Variants in RTN1 observed in about 807,000 individuals in gnomAD.
RTN1 encodes reticulon-1.
Under a neutral mutation model 65.5 loss-of-function variants are expected in RTN1, and 25 were observed. The ratio of observed to expected loss-of-function variants is 0.38; its 90% CI spans 0.28 to 0.53. RTN1 has a LOEUF of 0.53. Among genes scored for constraint, RTN1 ranks in the 20% least tolerant of loss-of-function variants. The pLI is 0.79. For missense variants in RTN1, 983 were observed against 1,025.4 expected (o/e 0.96, Z 0.57); for synonymous variants, 471 against 447.6 (o/e 1.05, Z -0.66).
intron 1 of RTN1, among the ~76,000 whole-genome samples, chr14:59,752,744 A>G (rs1026981469): frequency 6.6e-6 from 1 of 152,122 alleles, no homozygotes; most frequent in Non-Finnish European, 1.5e-5. Context: ...AAATAAATGG[A>G]CTCTTCAATC....
At chr14:59,674,712 A>G (rs1883585402) in intron 3 of RTN1, among the ~76,000 whole-genome samples, 1 of 152,238 alleles carries the variant, frequency 6.6e-6, no homozygotes, top group African/African-American at 2.4e-5. Context: ...TCAGAGCTTT[A>G]TACTGTAGAA....
At chr14:59,850,872 GT>G (rs1887492966) in intron 1 of RTN1, among the ~76,000 whole-genome samples, 1 of 152,226 alleles carries the variant, frequency 6.6e-6, no homozygotes, top group East Asian at 1.9e-4. Flanking sequence ...TCATGGGTAG[GT>G]TTTTTTCTCT....
intron 1 of RTN1, among the ~76,000 whole-genome samples, chr14:59,749,777 TTATATATATCTATATGTATATTTA>T (rs1566712724): frequency 1.1e-5 from 1 of 89,694 alleles, no homozygotes; most frequent in East Asian, 3.2e-4. Context: ...ATATGTATAT[TTATATATATCTATATGTATATTTA>T]TATATATCTA....
chr14:59,868,204 C>T lies in RTN1; in HGVS notation c.241+2186G>A, dbSNP rs533886322. On this transcript the variant is annotated intron_variant, in intron 1 of 8. Transcript: ENST00000267484. This position sits in a 1 kb window ranked among gnomAD's most constrained non-coding sequence, Gnocchi z 4.0. ...TTTGAGTCTCTTATAGCAGCACATC[C>T]GGTCTACTTAATAAGAAACACAGAG... 1.3e-5 allele frequency among the ~76,000 whole-genome samples: 2 copies of T among 152,218 alleles called. No homozygotes were observed. Among genetic ancestry groups the T allele is most frequent in the South Asian group, 2.1e-4 (1 of 4,824 alleles).
chr14:59,749,639 CTA>C (rs1275026715), intron 1 of RTN1, among the ~76,000 whole-genome samples: 668 of 32,524 alleles, frequency 0.021, 29 homozygotes, highest in African/African-American at 0.13. Context: ...ATATAGATAT[CTA>C]TATATATTTA....
chr14:59,610,052 G>T (rs914686353), intron 3 of RTN1: 11 of 746,888 alleles, frequency 1.5e-5, no homozygotes, highest in Non-Finnish European at 2.7e-5. Context: ...CCTGAAAGGA[G>T]TTTTCAGACA....
chr14:59,776,750 C>T (rs191511977), intron 1 of RTN1, among the ~76,000 whole-genome samples: 1 of 152,194 alleles, frequency 6.6e-6, no homozygotes, highest in Admixed American at 6.5e-5. Context: ...GTAGGAGGCT[C>T]TGCTGGGGAC....
chr14:59,616,682 A>T (rs1374644816), intron 3 of RTN1, among the ~76,000 whole-genome samples: 1 of 152,154 alleles, frequency 6.6e-6, no homozygotes, highest in Non-Finnish European at 1.5e-5. Flanking sequence ...TAGCTTTAAT[A>T]GTGGCTATAG....
At chr14:59,869,154 C>T (rs1302804337) in intron 1 of RTN1, among the ~76,000 whole-genome samples, 1 of 151,990 alleles carries the variant, frequency 6.6e-6, no homozygotes, top group Non-Finnish European at 1.5e-5. Context: ...ACCTCTTTTC[C>T]CCAGCTCAGA....
intron 1 of RTN1, among the ~76,000 whole-genome samples, chr14:59,797,219 C>T (rs1022534729): frequency 2.0e-5 from 3 of 152,162 alleles, no homozygotes; most frequent in African/African-American, 7.2e-5. Flanking sequence ...TCTTCGTCAC[C>T]ACCACTGTAC....
At chr14:59,815,419 T>A (rs562698624) in intron 1 of RTN1, among the ~76,000 whole-genome samples, 31 of 152,298 alleles carry the variant, frequency 2.0e-4, no homozygotes, top group African/African-American at 7.5e-4. Flanking sequence ...CCTCTCATGC[T>A]TAAATCTCTC....
At chr14:59,718,189 G>T (rs189596194) in intron 3 of RTN1, among the ~76,000 whole-genome samples, 16 of 152,236 alleles carry the variant, frequency 1.1e-4, no homozygotes, top group African/African-American at 3.9e-4. Flanking sequence ...TTCAACCTAG[G>T]TCACTTAAAA....
chr14:59,600,031 T>C (rs889790832), intron 8 of RTN1, among the ~76,000 whole-genome samples: 4 of 152,236 alleles, frequency 2.6e-5, no homozygotes, highest in African/African-American at 9.6e-5. Context: ...CTACAGTGTT[T>C]ATTTTGCCTT....
At chr14:59,648,939 C>T (rs758441091) in intron 3 of RTN1, among the ~76,000 whole-genome samples, 7 of 152,162 alleles carry the variant, frequency 4.6e-5, no homozygotes, top group Non-Finnish European at 7.3e-5. Context: ...CTGGCCTTAG[C>T]ACTCAGGCAA....
At chr14:59,842,536 T>G (rs1235095926) in intron 1 of RTN1, among the ~76,000 whole-genome samples, 1 of 152,098 alleles carries the variant, frequency 6.6e-6, no homozygotes, top group Non-Finnish European at 1.5e-5. Flanking sequence ...ATGCACATCT[T>G]AGGGCACTGG....
At chr14:59,718,564 T>C (rs1311131764) in intron 3 of RTN1, among the ~76,000 whole-genome samples, 1 of 152,188 alleles carries the variant, frequency 6.6e-6, no homozygotes, top group Non-Finnish European at 1.5e-5. Flanking sequence ...AAGTGCCATA[T>C]TGGACCATTC....
intron 3 of RTN1, among the ~76,000 whole-genome samples, chr14:59,647,824 T>C (rs2140196854): frequency 6.6e-6 from 1 of 152,184 alleles, no homozygotes; most frequent in African/African-American, 2.4e-5. Context: ...AATTCCAACT[T>C]AATATCAAAA....
At chr14:59,729,611 G>A (rs1884857842) in intron 2 of RTN1, among the ~76,000 whole-genome samples, 1 of 152,258 alleles carries the variant, frequency 6.6e-6, no homozygotes, top group South Asian at 2.1e-4. Flanking sequence ...GATAAGGAGT[G>A]GTGTAAATTA....
rs768308668 is a variant in RTN1 at position 59,726,956 on chromosome 14, G to A, written c.1728C>T (p.Gly576=). The change falls in exon 3 of 9, where the codon GGC becomes GGT. Residue 576 remains glycine (G), a synonymous_variant. Coordinates refer to ENST00000267484, the MANE Select transcript of RTN1 (RefSeq NM_021136.3). ...ATKGPGPLGP[G]APPPLLFLNK... ...TGAGAAACAGCAGTGGGGGCGGGGC[G>A]CCAGGACCTAGAGGCCCAGGGCCCT... is the stretch of plus-strand genomic sequence containing the variant. The A allele has an allele frequency of 1.3e-5, 21 of 1,613,220 alleles. No individual in the cohort carries two copies. In the Admixed American group the frequency reaches 3.2e-4, roughly 24 times the overall value.
Sources: allele counts gnomAD v4.1 joint callset (sites outside exome capture counted in the v4.1 genomes callset), GRCh38; gene constraint gnomAD v4.1.1; non-coding constraint Gnocchi (gnomAD v3.1); transcripts MANE v1.5; gene names NCBI Gene and HGNC (gene_info 2026-07-23, HGNC 2026-07-21).